The following SGK1 variants were observed in gnomAD, a reference collection of about 807,000 sequenced individuals.
The protein encoded by SGK1 is serine/threonine-protein kinase Sgk1.
SGK1 carries 26 observed loss-of-function variants against 64.2 expected under a neutral mutation model. That is an observed-to-expected ratio of 0.40 (90% CI 0.30 to 0.56). The LOEUF (loss-of-function observed/expected upper bound fraction) is 0.56. SGK1 is among the 20% of genes least tolerant of loss of function. The pLI is 0.38. For synonymous variants in SGK1, 265 were observed against 239.7 expected (o/e 1.11, Z -0.98); for missense variants, 519 against 645.6 (o/e 0.80, Z 2.12).
intron 1 of SGK1, among the ~76,000 whole-genome samples, chr6:134,275,560 T>C (rs967420426): frequency 2.0e-5 from 3 of 152,202 alleles, no homozygotes; most frequent in Non-Finnish European, 2.9e-5. Context: ...TTACATGAAA[T>C]GCACTGACAT....
At chr6:134,180,005 G>T (rs1219321876) in intron 3 of SGK1, among the ~76,000 whole-genome samples, 1 of 152,184 alleles carries the variant, frequency 6.6e-6, no homozygotes, top group Non-Finnish European at 1.5e-5. Flanking sequence ...CCAGGCTAGA[G>T]TACAGTGGTA....
chr6:134,206,383 ATTTTTTTTT>A (rs869072819), intron 3 of SGK1, among the ~76,000 whole-genome samples: 21 of 16,620 alleles, frequency 1.3e-3, no homozygotes, highest in African/African-American at 4.0e-3. Flanking sequence ...ATATATATAT[ATTTTTTTTT>A]TTTTTTTTTT....
chr6:134,238,989 A>G (rs1209547063), intron 2 of SGK1, among the ~76,000 whole-genome samples: 1 of 152,228 alleles, frequency 6.6e-6, no homozygotes, highest in Non-Finnish European at 1.5e-5. Context: ...CTATTTTGTG[A>G]ATCAGAATTG....
intron 13 of SGK1, 176 bp from the exon 14 acceptor site, chr6:134,170,611 C>T: frequency 1.4e-6 from 1 of 697,990 alleles, no homozygotes; most frequent in Admixed American, 3.0e-5. Flanking sequence ...ATAATGTTCA[C>T]TTGTTGCCTT....
intron 3 of SGK1, chr6:134,177,717 A>T: frequency 6.2e-7 from 1 of 1,613,954 alleles, no homozygotes; most frequent in Non-Finnish European, 8.5e-7. Context: ...GCCCAAGGAT[A>T]TGCAGGTTGG....
intron 2 of SGK1, among the ~76,000 whole-genome samples, chr6:134,217,168 T>C (rs1009824510): frequency 3.6e-4 from 54 of 151,886 alleles, no homozygotes; most frequent in African/African-American, 1.3e-3. Flanking sequence ...AAGGCAGGGA[T>C]GGGTGTGGAG....
At chr6:134,263,401 ATT>A (rs11379233) in intron 1 of SGK1, among the ~76,000 whole-genome samples, 8 of 141,378 alleles carry the variant, frequency 5.7e-5, no homozygotes, top group Admixed American at 7.1e-5. Flanking sequence ...CACACTACTA[ATT>A]TTTTTTTTTT....
At chr6:134,297,284 G>A in intron 1 of SGK1, 1 of 1,275,868 alleles carries the variant, frequency 7.8e-7, no homozygotes, top group Non-Finnish European at 1.1e-6. Context: ...GGGCCAGCTT[G>A]ACGTTCATCA....
At chr6:134,232,021 AGAGT>A (rs1385809784) in intron 2 of SGK1, among the ~76,000 whole-genome samples, 3 of 149,132 alleles carry the variant, frequency 2.0e-5, no homozygotes, top group African/African-American at 5.0e-5. Context: ...CCTGGGTGAC[AGAGT>A]GAGACTTCAT....
chr6:134,192,742 G>A (rs968182576), intron 3 of SGK1, among the ~76,000 whole-genome samples: 2 of 151,862 alleles, frequency 1.3e-5, no homozygotes, highest in African/African-American at 4.8e-5. Flanking sequence ...GCTAATTTTT[G>A]TACTGTTGTA....
rs112943044 is a variant in SGK1 at position 134,300,537 on chromosome 6, C to CA, written c.69+16854dup. On this transcript the variant is annotated intron_variant, in intron 1 of 13. Transcript: ENST00000367858. ...TGGGCAACAGCGCAAGACTCTGTCT[C>CA]AAAAAAAAAAAAAAAAAGAAAGAAA... Among the ~76,000 whole-genome samples the CA allele has an allele frequency of 4.6e-3, 398 of 86,130 alleles. 4 individuals carry two copies. Among genetic ancestry groups the CA allele is most frequent in the Non-Finnish European group, 5.3e-3 (232 of 43,522 alleles). The allele number at this position is 86,130 out of a possible 152,430, so 56.5% of individuals were successfully genotyped here. A position where few individuals can be genotyped will look rare whatever the true frequency, so the allele number is the denominator to read the frequency against.
At chr6:134,191,497 A>G (rs1179656626) in intron 3 of SGK1, among the ~76,000 whole-genome samples, 1 of 152,156 alleles carries the variant, frequency 6.6e-6, no homozygotes, top group African/African-American at 2.4e-5. Context: ...GCTCTTCTAC[A>G]CATTCTCAAG....
intron 2 of SGK1, 126 bp from the exon 3 acceptor site, chr6:134,207,557 A>G: frequency 1.4e-6 from 1 of 693,162 alleles, no homozygotes; most frequent in South Asian, 1.7e-5. Flanking sequence ...TCTGTGCTCT[A>G]ATTAGGGTGG....
At chr6:134,264,342 A>C (rs896773798) in intron 1 of SGK1, among the ~76,000 whole-genome samples, 7 of 151,866 alleles carry the variant, frequency 4.6e-5, no homozygotes, top group African/African-American at 1.7e-4. Context: ...GATGGTCTCG[A>C]TCTCCTGACC....
intron 2 of SGK1, among the ~76,000 whole-genome samples, chr6:134,213,862 A>T (rs1055821172): frequency 2.0e-4 from 31 of 152,090 alleles, no homozygotes; most frequent in African/African-American, 7.0e-4. Context: ...TGATATAATA[A>T]GAACAGCAAA....
rs1448470526 is a variant in SGK1 at position 134,174,091 on chromosome 6, T to C, written c.438-11A>G. On this transcript the variant is annotated splice_polypyrimidine_tract_variant and intron_variant, in intron 4 of 13. Transcript: ENST00000367858. ...GACTGAACTTCAGGGCTGCAGGGAA[T>C]AAAGGGCACGATTTAGAATCCAGCT... 6.2e-7 allele frequency: 1 copy of C among 1,608,114 alleles called. No homozygotes were observed. The highest frequency in any genetic ancestry group is 1.1e-5 in the South Asian group (1 of 90,330).
At chr6:134,255,801 T>C (rs1032822555) in intron 2 of SGK1, among the ~76,000 whole-genome samples, 1 of 151,856 alleles carries the variant, frequency 6.6e-6, no homozygotes, top group Non-Finnish European at 1.5e-5. Flanking sequence ...ACCGGGCTGG[T>C]CTTGAACTCC....
chr6:134,278,017 G>C (rs1777042112), intron 1 of SGK1, among the ~76,000 whole-genome samples: 1 of 152,176 alleles, frequency 6.6e-6, no homozygotes, highest in African/African-American at 2.4e-5. Flanking sequence ...GAATTCATGT[G>C]AACTTGAAGG....
chr6:134,237,213 C>A (rs1028245163), intron 2 of SGK1, among the ~76,000 whole-genome samples: 1 of 151,860 alleles, frequency 6.6e-6, no homozygotes, highest in Non-Finnish European at 1.5e-5. Context: ...TGCCACCATG[C>A]CCGGCTAATT....
Sources: allele counts gnomAD v4.1 joint callset (sites outside exome capture counted in the v4.1 genomes callset), GRCh38; gene constraint gnomAD v4.1.1; transcripts MANE v1.5; gene names NCBI Gene and HGNC (gene_info 2026-07-23, HGNC 2026-07-21).